Variants in ZC3H12B observed in about 807,000 individuals in gnomAD.
ZC3H12B encodes the protein probable ribonuclease ZC3H12B.
A neutral mutation model predicts 43.9 loss-of-function variants in ZC3H12B; 7 were observed. The ratio of observed to expected loss-of-function variants is 0.16; its 90% CI spans 0.09 to 0.30. ZC3H12B has a LOEUF of 0.30. Among genes scored for constraint, ZC3H12B ranks in the 10% least tolerant of loss-of-function variants. The pLI, the probability that ZC3H12B is intolerant of heterozygous loss-of-function variation, is 1.00. For missense variants in ZC3H12B, 475 were observed against 670.2 expected, an observed-to-expected ratio of 0.71 and a Z score of 3.22; for synonymous variants, 222 against 241.7, an observed-to-expected ratio of 0.92 and a Z score of 0.76.
At chrX:65,162,355 G>A in the ZC3H12B span, among the ~76,000 whole-genome samples, 74 of 111,818 alleles carry the variant, frequency 6.6e-4, no homozygotes, top group South Asian at 0.012. Context: ...AATATCCTGC[G>A]GAGTGTTTTC....
chrX:65,170,888 G>T, the ZC3H12B span, among the ~76,000 whole-genome samples: 1 of 111,731 alleles, frequency 9.0e-6, no homozygotes, highest in African/African-American at 3.3e-5. Flanking sequence ...GCTCCATCAG[G>T]TCATTTAAGT....
Position 65,437,785 on chromosome X carries a change from C to A in ZC3H12B, n.407+39081C>A, listed in dbSNP as rs996579605. On this transcript the variant is annotated intron_variant and non_coding_transcript_variant, in intron 3 of 5. Transcript: ENST00000617377. The stretch of plus-strand genomic sequence containing the variant: ...CATTCATCCATTTTTGCTTTTATTG[C>A]CTATGCTTATGGGGTATTACTCAAG... 3.6e-5 allele frequency among the ~76,000 whole-genome samples: 4 copies of A among 111,586 alleles called. No individual in the cohort carries two copies. In the South Asian group the frequency reaches 1.5e-3, roughly 41 times the overall value.
At chrX:65,106,249 T>G in the ZC3H12B span, among the ~76,000 whole-genome samples, 1 of 111,628 alleles carries the variant, frequency 9.0e-6, no homozygotes, top group Non-Finnish European at 1.9e-5. Context: ...TTAATAGCAT[T>G]TAAAGGTATA....
At chrX:65,201,327 T>C in the ZC3H12B span, among the ~76,000 whole-genome samples, 1 of 111,939 alleles carries the variant, frequency 8.9e-6, no homozygotes, top group African/African-American at 3.2e-5. Flanking sequence ...TTTTCTAGTT[T>C]ATGTGTATAG....
chrX:65,166,096 G>T, the ZC3H12B span, among the ~76,000 whole-genome samples: 3 of 110,324 alleles, frequency 2.7e-5, no homozygotes, highest in Non-Finnish European at 3.8e-5. Context: ...TGCACAATGC[G>T]CAGGTTTGTT....
chrX:65,296,056 A>C, the ZC3H12B span, among the ~76,000 whole-genome samples: 3 of 112,252 alleles, frequency 2.7e-5, no homozygotes, highest in Admixed American at 2.8e-4. Flanking sequence ...AGATACCTGC[A>C]CATGCATGAT....
the ZC3H12B span, among the ~76,000 whole-genome samples, chrX:65,231,498 G>A: frequency 2.7e-5 from 3 of 110,647 alleles, no homozygotes; most frequent in East Asian, 2.9e-4. Flanking sequence ...TCTTAACCGC[G>A]TATCTCAATC....
the ZC3H12B span, among the ~76,000 whole-genome samples, chrX:65,035,662 G>T: frequency 9.0e-6 from 1 of 110,911 alleles, no homozygotes; most frequent in African/African-American, 3.3e-5. Context: ...CTTCTCAGGA[G>T]CCCATTCCCC....
At chrX:65,309,635 C>T in the ZC3H12B span, among the ~76,000 whole-genome samples, 10 of 112,185 alleles carry the variant, frequency 8.9e-5, no homozygotes, top group African/African-American at 3.2e-4. Context: ...TCCTCTCTAA[C>T]TCATTTTATG....
At chrX:65,258,471 G>T in the ZC3H12B span, among the ~76,000 whole-genome samples, 1 of 111,633 alleles carries the variant, frequency 9.0e-6, no homozygotes, top group South Asian at 3.7e-4. Context: ...ATACTAAATG[G>T]CCAAAAGCTA....
chrX:65,483,428 A>C (rs1263581173), intron 3 of ZC3H12B, among the ~76,000 whole-genome samples: 3 of 111,869 alleles, frequency 2.7e-5, no homozygotes, highest in African/African-American at 9.7e-5. Flanking sequence ...CTTTATGTGA[A>C]TCTTTTCATT....
the ZC3H12B span, among the ~76,000 whole-genome samples, chrX:65,262,117 C>A: frequency 9.0e-6 from 1 of 110,945 alleles, no homozygotes; most frequent in Non-Finnish European, 1.9e-5. Context: ...AGTACTTTCA[C>A]ACTATCTCTT....
At chrX:65,172,988 A>G in the ZC3H12B span, among the ~76,000 whole-genome samples, 1 of 112,058 alleles carries the variant, frequency 8.9e-6, no homozygotes, top group Non-Finnish European at 1.9e-5. Context: ...TGATGGTAAT[A>G]GCATTGAATC....
chrX:65,383,200 C>G (rs1438685989), intron 2 of ZC3H12B, among the ~76,000 whole-genome samples: 1 of 111,878 alleles, frequency 8.9e-6, no homozygotes, highest in East Asian at 2.8e-4. Flanking sequence ...TGACTTCCAA[C>G]AATACTACAA....
the ZC3H12B span, among the ~76,000 whole-genome samples, chrX:65,130,647 A>G: frequency 2.7e-5 from 3 of 111,890 alleles, no homozygotes; most frequent in Non-Finnish European, 5.6e-5. Context: ...GAGGTTGGCT[A>G]GTGGCTTGTA....
intron 3 of ZC3H12B, among the ~76,000 whole-genome samples, chrX:65,458,696 A>T (rs1387732538): frequency 8.9e-6 from 1 of 112,162 alleles, no homozygotes; most frequent in Non-Finnish European, 1.9e-5. Flanking sequence ...AATCTCTGGG[A>T]CACATTCAAA....
At chrX:65,355,080 G>A in the ZC3H12B span, among the ~76,000 whole-genome samples, 1 of 111,782 alleles carries the variant, frequency 8.9e-6, no homozygotes. Context: ...TAGCAAGACA[G>A]GCCAACATTC....
At chrX:65,227,424 A>C in the ZC3H12B span, among the ~76,000 whole-genome samples, 1 of 111,662 alleles carries the variant, frequency 9.0e-6, no homozygotes, top group Non-Finnish European at 1.9e-5. Flanking sequence ...CCCACAAGAG[A>C]AAGCAGGAAA....
At chrX:65,220,396 A>C in the ZC3H12B span, among the ~76,000 whole-genome samples, 1 of 112,098 alleles carries the variant, frequency 8.9e-6, no homozygotes. Flanking sequence ...TGCTTCACTT[A>C]AAAGATACAG....
Sources: allele counts gnomAD v4.1 joint callset (sites outside exome capture counted in the v4.1 genomes callset), GRCh38; gene constraint gnomAD v4.1.1; transcripts MANE v1.5; gene names NCBI Gene and HGNC (gene_info 2026-07-23, HGNC 2026-07-21).